Variants in MOXD1 observed in about 807,000 individuals in gnomAD.
MOXD1 encodes DBH-like monooxygenase protein 1.
A neutral mutation model predicts 66.6 loss-of-function variants in MOXD1; 62 were observed. The observed-to-expected ratio is 0.93, with a 90% CI of 0.76 to 1.15. The LOEUF is 1.15. Among genes scored for constraint, MOXD1 ranks in the 50% most tolerant of loss-of-function variants. The probability of loss-of-function intolerance (pLI) is 0.00; values close to 1 mark genes in which losing one functional copy is unlikely to be tolerated. For missense variants in MOXD1, 847 were observed against 754.6 expected (o/e 1.12, Z -1.44); for synonymous variants, 303 against 281.9 (o/e 1.07, Z -0.75).
chr6:132,342,686 G>C (rs1183236351), intron 4 of MOXD1, among the ~76,000 whole-genome samples: 1 of 152,174 alleles, frequency 6.6e-6, no homozygotes, highest in East Asian at 1.9e-4. Flanking sequence ...AGTTTAACCT[G>C]TATTTCAAAT....
intron 4 of MOXD1, among the ~76,000 whole-genome samples, chr6:132,340,409 G>C (rs1175894509): frequency 6.7e-6 from 1 of 149,166 alleles, no homozygotes; most frequent in Non-Finnish European, 1.5e-5. Context: ...TGTTTGCTCT[G>C]AGAAATGAGC....
At chr6:132,385,414 T>C (rs1455849878) in intron 1 of MOXD1, among the ~76,000 whole-genome samples, 1 of 151,526 alleles carries the variant, frequency 6.6e-6, no homozygotes, top group Admixed American at 6.6e-5. Context: ...TTTTTTCAGA[T>C]TTCAAAACTT....
chr6:132,340,930 G>A (rs980326728), intron 4 of MOXD1, among the ~76,000 whole-genome samples: 3 of 152,192 alleles, frequency 2.0e-5, no homozygotes, highest in Non-Finnish European at 2.9e-5. Context: ...ACAGGCGTGA[G>A]CCACTGCGCC....
chr6:132,331,954 A>G lies in MOXD1; in HGVS notation c.664-3360T>C, dbSNP rs184929111. 4.0e-3 allele frequency among the ~76,000 whole-genome samples: 604 copies of G among 152,234 alleles called. 5 individuals are homozygous for G. Among genetic ancestry groups the G allele is most frequent in the Middle Eastern group, 0.024 (7 of 294 alleles). ...ACCTCAGGAGCCAATGCCAGAAGGT[A>G]CTTCTGGAAGCCACTAGCAGGGACC... On this transcript the variant is annotated intron_variant, in intron 4 of 11. Transcript: ENST00000367963.
At chr6:132,352,354 G>A (rs1267524821) in intron 4 of MOXD1, among the ~76,000 whole-genome samples, 2 of 152,096 alleles carry the variant, frequency 1.3e-5, no homozygotes, top group African/African-American at 4.8e-5. Context: ...TCAGTTCAAA[G>A]AATTTTTAAA....
chr6:132,342,600 T>G (rs1294548229), intron 4 of MOXD1, among the ~76,000 whole-genome samples: 2 of 152,208 alleles, frequency 1.3e-5, no homozygotes, highest in African/African-American at 4.8e-5. Flanking sequence ...GATTAGATCT[T>G]GCTATTCTTT....
At position 132,376,662 on chromosome 6, in the gene MOXD1, C is replaced by T. The variant is rs1156840388; in HGVS notation, c.265-1885G>A. ...CCAAGTAGCTGGGACTACAGGCGCC[C>T]GCCACTACGCCCGGCTAATTTTTTG... On this transcript the variant is annotated intron_variant, in intron 1 of 11. Coordinates refer to ENST00000367963, the MANE Select transcript of MOXD1 (RefSeq NM_015529.4). 2.0e-5 allele frequency among the ~76,000 whole-genome samples: 2 copies of T among 98,956 alleles called. 1 individual carries two copies. Among genetic ancestry groups the T allele is most frequent in the Non-Finnish European group, 3.3e-5 (2 of 60,098 alleles). The allele number at this position is 98,956 out of a possible 152,430, so 64.9% of individuals were successfully genotyped here. A position where few individuals can be genotyped will look rare whatever the true frequency, so the allele number is the denominator to read the frequency against.
chr6:132,340,739 C>T (rs193246618), intron 4 of MOXD1, among the ~76,000 whole-genome samples: 3,368 of 149,830 alleles, frequency 0.022, 127 homozygotes, highest in African/African-American at 0.079. Flanking sequence ...CTCCGCCTCC[C>T]GGGTTCACGC....
intron 4 of MOXD1, among the ~76,000 whole-genome samples, chr6:132,330,542 A>T (rs1366648229): frequency 6.6e-6 from 1 of 152,158 alleles, no homozygotes; most frequent in Admixed American, 6.5e-5. Context: ...GCTGAGTTAC[A>T]GGGTTCTTTT....
chr6:132,394,642 A>G (rs1776834891), intron 1 of MOXD1, among the ~76,000 whole-genome samples: 1 of 152,168 alleles, frequency 6.6e-6, no homozygotes, highest in Non-Finnish European at 1.5e-5. Flanking sequence ...ACCAAACAGA[A>G]ATTCTACAAC....
At chr6:132,305,575 A>C (rs187478525) in intron 10 of MOXD1, among the ~76,000 whole-genome samples, 1 of 152,318 alleles carries the variant, frequency 6.6e-6, no homozygotes, top group East Asian at 1.9e-4. Context: ...ACCCTTCAAT[A>C]GGGGTTGTAC....
intron 2 of MOXD1, 148 bp downstream of exon 2, chr6:132,374,483 A>T: frequency 1.2e-6 from 1 of 859,966 alleles, no homozygotes; most frequent in Non-Finnish European, 1.5e-6. Context: ...AAAAAGAAAA[A>T]ACTAAAAAAA....
intron 4 of MOXD1, among the ~76,000 whole-genome samples, chr6:132,364,718 A>C (rs531004015): frequency 2.0e-5 from 3 of 152,356 alleles, no homozygotes; most frequent in South Asian, 4.1e-4. Context: ...TTGGGAATAT[A>C]GCCAGTACTT....
intron 4 of MOXD1, among the ~76,000 whole-genome samples, chr6:132,354,430 G>T (rs761005669): frequency 6.6e-6 from 1 of 152,138 alleles, no homozygotes; most frequent in East Asian, 1.9e-4. Flanking sequence ...TCTCTTCTGG[G>T]TGTAGCCACC....
At chr6:132,392,190 A>T in intron 1 of MOXD1, 2 of 1,578,826 alleles carry the variant, frequency 1.3e-6, no homozygotes, top group South Asian at 2.3e-5. Context: ...GTTTTCTGTG[A>T]TTTCAAATCA....
At chr6:132,392,151 C>A in intron 1 of MOXD1, 1 of 1,515,494 alleles carries the variant, frequency 6.6e-7, no homozygotes. Context: ...TTAAAAGAAG[C>A]ACATCGTTAA....
intron 4 of MOXD1, among the ~76,000 whole-genome samples, chr6:132,365,456 T>C (rs1776101177): frequency 6.6e-6 from 1 of 152,184 alleles, no homozygotes; most frequent in Admixed American, 6.5e-5. Context: ...GCACAGACTT[T>C]TCTTTTTGTT....
In MOXD1 at chr6:132,377,031, T is replaced by G. The variant is rs185899774; in HGVS notation, c.265-2254A>C. Among the ~76,000 whole-genome samples the G allele has an allele frequency of 2.4e-4, 37 of 152,346 alleles. No individual in the cohort carries two copies. In the East Asian group the frequency reaches 6.9e-3, roughly 29 times the overall value. The stretch of plus-strand genomic sequence containing the variant: ...CACTCTGGCCCCAGAGTCTGGATCC[T>G]TTTTCACTCTTCTACAGTGTAGTGG... On this transcript the variant is annotated intron_variant, in intron 1 of 11. Coordinates refer to ENST00000367963, the MANE Select transcript of MOXD1 (RefSeq NM_015529.4).
chr6:132,319,543 A>T (rs1209449573), intron 9 of MOXD1, among the ~76,000 whole-genome samples: 1 of 151,942 alleles, frequency 6.6e-6, no homozygotes, highest in Non-Finnish European at 1.5e-5. Flanking sequence ...TATATACTCA[A>T]ATGCAATTAA....
Sources: allele counts gnomAD v4.1 joint callset (sites outside exome capture counted in the v4.1 genomes callset), GRCh38; gene constraint gnomAD v4.1.1; transcripts MANE v1.5; gene names NCBI Gene and HGNC (gene_info 2026-07-23, HGNC 2026-07-21).